Variants in IGHMBP2 observed in about 807,000 individuals in gnomAD.
IGHMBP2 encodes the protein immunoglobulin mu DNA binding protein 2.
IGHMBP2 carries 81 observed loss-of-function variants against 96.0 expected under a neutral mutation model. That is an observed-to-expected ratio of 0.84 (90% CI 0.71 to 1.01). The LOEUF (loss-of-function observed/expected upper bound fraction) is 1.01. Ranked by LOEUF, IGHMBP2 falls within the 50% of genes least tolerant of loss-of-function variation. The probability of loss-of-function intolerance (pLI) is 0.00; values close to 1 mark genes in which losing one functional copy is unlikely to be tolerated. For synonymous variants in IGHMBP2, 557 were observed against 548.9 expected (o/e 1.01, Z -0.21); for missense variants, 1,227 against 1,306.3 (o/e 0.94, Z 0.94).
chr11:68,906,085 A>C lies in IGHMBP2; in HGVS notation c.103A>C (p.Ile35Leu), dbSNP rs199586231. ...GTCTTCCAGGTCCTGGCAGGAGAAC[A>C]TCTCTCTGAAAGAGCTCCAGAGCCG... ...VEERRSWQEN[I>L]SLKELQSRGV... Residue 35 changes from isoleucine to leucine, a missense_variant, in exon 2 of 15, where the codon ATC (isoleucine) becomes CTC (leucine). Around this residue, in one of 3 missense-constraint regions of IGHMBP2, gnomAD observed 507 missense variants for 496.9 expected, o/e 1.02. Transcript: ENST00000255078. The C allele has an allele frequency of 1.2e-6, 2 of 1,614,150 alleles. No homozygotes were observed. The highest frequency in any genetic ancestry group is 1.7e-6 in the Non-Finnish European group (2 of 1,180,016).
intron 4 of IGHMBP2, among the ~76,000 whole-genome samples, chr11:68,909,933 G>C (rs994430741): frequency 6.6e-6 from 1 of 152,158 alleles, no homozygotes; most frequent in African/African-American, 2.4e-5. Context: ...TGCCCGGTCT[G>C]TGCACTTTTT....
At chr11:68,930,076 G>A (rs920658892) in intron 8 of IGHMBP2, 5 of 1,164,114 alleles carry the variant, frequency 4.3e-6, no homozygotes, top group Admixed American at 4.0e-5. Flanking sequence ...TGGGTGTGGC[G>A]GGCGTGCCCT....
intron 5 of IGHMBP2, among the ~76,000 whole-genome samples, chr11:68,912,533 ATTT>A (rs1858481078): frequency 6.8e-6 from 1 of 147,572 alleles, no homozygotes; most frequent in Non-Finnish European, 1.5e-5. Flanking sequence ...TTTTTAATTT[ATTT>A]ATTTATTTTT....
chr11:68,914,957 G>C lies in IGHMBP2; in HGVS notation c.846G>C (p.Ala282=). The C allele has an allele frequency of 6.2e-7, 1 of 1,614,148 alleles. No individual in the cohort carries two copies. The highest frequency in any genetic ancestry group is 1.1e-5 in the South Asian group (1 of 91,086). Residue 282 remains alanine (A), a synonymous_variant, in exon 6 of 15, where the codon GCG becomes GCC. Coordinates refer to ENST00000255078, the MANE Select transcript of IGHMBP2 (RefSeq NM_002180.3). ...LESIQQHSLD[A]VLARSDSAQI... is the part of the protein sequence containing the mutation. ...CCATTCAGCAGCACTCCCTGGATGC[G>C]GTTTTAGCGCGGAGCGACAGTGCCC...
At chr11:68,935,618 T>A (rs1025447217) in intron 12 of IGHMBP2, among the ~76,000 whole-genome samples, 196 bp downstream of exon 12, 2 of 152,034 alleles carry the variant, frequency 1.3e-5, no homozygotes, top group African/African-American at 4.8e-5. Flanking sequence ...GTGAGTGTGC[T>A]GTCAGGGAGC....
intron 5 of IGHMBP2, among the ~76,000 whole-genome samples, chr11:68,913,563 C>A (rs1276045532): frequency 2.0e-5 from 3 of 152,012 alleles, no homozygotes; most frequent in Non-Finnish European, 4.4e-5. Context: ...CGCACCTTGG[C>A]CTCCCAAAGT....
intron 8 of IGHMBP2, chr11:68,932,971 C>G: frequency 2.4e-6 from 1 of 420,522 alleles, no homozygotes; most frequent in South Asian, 2.5e-5. Context: ...GTGACCTTCT[C>G]TGACTGACCC....
At chr11:68,911,791 C>T (rs981739284) in intron 5 of IGHMBP2, among the ~76,000 whole-genome samples, 188 bp downstream of exon 5, 4 of 152,252 alleles carry the variant, frequency 2.6e-5, no homozygotes, top group Non-Finnish European at 2.9e-5. Context: ...TTGGGGAGCA[C>T]GCGCAGGAGC....
Position 68,922,956 on chromosome 11 carries a change from C to T in IGHMBP2, c.1060+5073C>T, listed in dbSNP as rs116949864. On this transcript the variant is annotated intron_variant, in intron 7 of 14. Coordinates refer to ENST00000255078, the MANE Select transcript of IGHMBP2 (RefSeq NM_002180.3). The stretch of plus-strand genomic sequence containing the variant: ...AGAGTCTTTTTATATCTTTGATGTT[C>T]TTATTTAATTTTTTTAACATTTGGA... Among the ~76,000 whole-genome samples the T allele has an allele frequency of 1.2e-4, 18 of 152,108 alleles. No individual in the cohort carries two copies. In the East Asian group the frequency reaches 3.3e-3, roughly 28 times the overall value.
chr11:68,922,990 A>G (rs1318698478), intron 7 of IGHMBP2, among the ~76,000 whole-genome samples: 1 of 152,156 alleles, frequency 6.6e-6, no homozygotes, highest in Non-Finnish European at 1.5e-5. Flanking sequence ...GAATACAACT[A>G]TAATAACTGT....
intron 2 of IGHMBP2, among the ~76,000 whole-genome samples, chr11:68,906,734 C>T (rs1316629754): frequency 2.7e-5 from 4 of 150,758 alleles, no homozygotes; most frequent in African/African-American, 4.9e-5. Flanking sequence ...CCTCCGCCTC[C>T]GGGGTTCAAG....
Position 68,936,293 on chromosome 11 carries a change from C to T in IGHMBP2, c.1813C>T (p.Arg605Ter), listed in dbSNP as rs991227431. 67 of 1,614,008 alleles carry T rather than the reference C, an allele frequency of 4.2e-5. No individual in the cohort carries two copies. Among genetic ancestry groups the T allele is most frequent in the Non-Finnish European group, 5.0e-5 (59 of 1,179,998 alleles). Reference protein sequence around the residue: ...RRINVAVTRARRHVAVICDSR... With the variant: ...RRINVAVTRA The stretch of plus-strand genomic sequence containing the variant: ...GATCAACGTGGCTGTCACCCGTGCC[C>T]GACGCCACGTGGCGGTCATCTGTGA... The change falls in exon 13 of 15, where the codon CGA becomes TGA. Residue 605 changes from arginine (R) to a stop codon, truncating the protein, a stop_gained. Coordinates refer to ENST00000255078, the MANE Select transcript of IGHMBP2 (RefSeq NM_002180.3). LOFTEE classifies it high-confidence loss of function.
At chr11:68,909,184 G>GT (rs1491531775) in intron 4 of IGHMBP2, among the ~76,000 whole-genome samples, 115 of 90,912 alleles carry the variant, frequency 1.3e-3, no homozygotes, top group African/African-American at 4.5e-3. Flanking sequence ...GGCGGGGGGG[G>GT]TGGAGGGGGG....
At chr11:68,933,664 T>C in intron 9 of IGHMBP2, 131 bp from the exon 10 acceptor site, 1 of 979,034 alleles carries the variant, frequency 1.0e-6, no homozygotes, top group Non-Finnish European at 1.6e-6. Flanking sequence ...CCCTCCCTTC[T>C]GATGTCCTGA....
rs1042285874 is a variant in IGHMBP2, at chr11:68,936,689, A to G, written c.2209A>G (p.Met737Val). Residue 737 changes from methionine (M) to valine (V), a missense_variant, in exon 13 of 15, where the codon ATG becomes GTG. Physicochemically the swap from Met to Val is conservative, Grantham distance 21. Coordinates refer to ENST00000255078, the MANE Select transcript of IGHMBP2 (RefSeq NM_002180.3). Reference sequence around the variant, plus strand: ...CTTCCGGGCCATGATAGTGGAGTTCATGGCCAGCAAGAAGATGCAGTTGGA... The same window carrying G: ...CTTCCGGGCCATGATAGTGGAGTTCGTGGCCAGCAAGAAGATGCAGTTGGA... The part of the protein sequence containing the change: ...DHFRAMIVEF[M>V]ASKKMQLEFP... 6.2e-7 allele frequency: 1 copy of G among 1,614,080 alleles called. No homozygotes were observed. The highest frequency in any genetic ancestry group is 1.1e-5 in the South Asian group (1 of 91,082).
chr11:68,932,984 G>A (rs982650809), intron 8 of IGHMBP2: 7 of 445,948 alleles, frequency 1.6e-5, no homozygotes, highest in Non-Finnish European at 2.1e-5. Flanking sequence ...ACTGACCCTC[G>A]CATGCCCCCT....
intron 13 of IGHMBP2, chr11:68,937,743 G>C (rs982783972): frequency 9.4e-5 from 22 of 234,508 alleles, no homozygotes; most frequent in African/African-American, 4.0e-4. Flanking sequence ...GTTCCAGCTT[G>C]CATTGATTCA....
intron 5 of IGHMBP2, among the ~76,000 whole-genome samples, chr11:68,913,101 G>A (rs1361759484): frequency 2.0e-5 from 3 of 146,974 alleles, no homozygotes; most frequent in East Asian, 4.0e-4. Context: ...GAGAAACAAG[G>A]TCAAATGCCC....
chr11:68,921,137 A>G (rs998936431), intron 7 of IGHMBP2, among the ~76,000 whole-genome samples: 3 of 147,846 alleles, frequency 2.0e-5, no homozygotes, highest in East Asian at 2.0e-4. Flanking sequence ...GTTCTTTGTT[A>G]TATTTTCCTC....
Sources: gnomAD v4.1 joint callset for allele counts (sites outside exome capture counted in the v4.1 genomes callset) on GRCh38, gnomAD v4.1.1 for gene constraint, gnomAD v4.1.1 regional missense constraint, MANE v1.5 for transcripts, NCBI Gene and HGNC (gene_info 2026-07-23, HGNC 2026-07-21) for gene names.